The following HTT variants were observed in gnomAD, a reference collection of about 807,000 sequenced individuals.
HTT encodes huntingtin, also known as huntington disease protein.
HTT carries 104 observed loss-of-function variants against 362.3 expected under a neutral mutation model. The observed-to-expected ratio is 0.29, with a 90% CI of 0.24 to 0.34. The LOEUF (loss-of-function observed/expected upper bound fraction) is 0.34. Among genes scored for constraint, HTT ranks in the 10% least tolerant of loss-of-function variants. The pLI is 1.00. For missense variants in HTT, 3,301 were observed against 3,928.6 expected (o/e 0.84, Z 4.27); for synonymous variants, 1,577 against 1,548.7 (o/e 1.02, Z -0.43).
intron 27 of HTT, among the ~76,000 whole-genome samples, chr4:3,156,371 T>C (rs912065846): frequency 4.6e-5 from 7 of 152,190 alleles, no homozygotes; most frequent in Middle Eastern, 3.2e-3. Context: ...CCGCCTGCCT[T>C]GGCCTGCCAA....
At chr4:3,099,202 G>C (rs1578496827) in intron 2 of HTT, 72 bp from the exon 3 acceptor site, 3 of 1,001,000 alleles carry the variant, frequency 3.0e-6, no homozygotes, top group Non-Finnish European at 4.7e-6. Context: ...CAGGACACCG[G>C]ATACCTCATT....
rs1442677472 is a variant in HTT, at chr4:3,238,994, C to G, written c.9215+16C>G. 1 of 1,594,044 alleles carries G rather than the reference C, an allele frequency of 6.3e-7. No individual in the cohort carries two copies. On this transcript the variant is annotated intron_variant, in intron 66 of 66. Coordinates refer to ENST00000355072, the MANE Select transcript of HTT (RefSeq NM_001388492.1). ...TCGCGGCGATGTATCCTCTCTGGGTCCCTGGTGCTGGCCCCGTTTCCCTTG... is the reference window on the plus strand; with the variant it reads ...TCGCGGCGATGTATCCTCTCTGGGTGCCTGGTGCTGGCCCCGTTTCCCTTG...
chr4:3,153,854 G>T (rs1717016611), intron 26 of HTT, among the ~76,000 whole-genome samples: 1 of 152,094 alleles, frequency 6.6e-6, no homozygotes. Flanking sequence ...AGCCCAGGAG[G>T]TTGAGGCTAC....
At chr4:3,225,880 T>C (rs1720888268) in intron 57 of HTT, 137 bp downstream of exon 57, 2 of 639,944 alleles carry the variant, frequency 3.1e-6, no homozygotes, top group South Asian at 2.0e-5. Context: ...AAAAATTTAA[T>C]GTTCATTGTT....
intron 16 of HTT, among the ~76,000 whole-genome samples, chr4:3,132,285 C>T (rs140022274): frequency 1.3e-5 from 2 of 152,216 alleles, no homozygotes; most frequent in African/African-American, 4.8e-5. Context: ...TAAGTGGAAT[C>T]TGGAATTTTA....
intron 6 of HTT, among the ~76,000 whole-genome samples, chr4:3,114,618 C>T (rs1364681575): frequency 1.3e-5 from 2 of 152,206 alleles, no homozygotes; most frequent in Non-Finnish European, 2.9e-5. Context: ...TGGCTCAGAG[C>T]ATAGTTTTGA....
rs565702208 is a variant in HTT, at chr4:3,178,173, A to C, written c.4464-125A>C. On this transcript the variant is annotated intron_variant, in intron 34 of 66. Transcript: ENST00000355072. The stretch of plus-strand genomic sequence containing the variant: ...GGCAGGGGTGGGGTTAGAGTAGATC[A>C]CGGACACCTGTTAGCTTGATGTGTG... 6.8e-6 allele frequency: 5 copies of C among 730,968 alleles called. No homozygotes were observed. In the African/African-American group the frequency reaches 8.9e-5, roughly 13 times the overall value. The allele number at this position is 730,968 out of a possible 1,614,324, so 45.3% of individuals were successfully genotyped here. A position where few individuals can be genotyped will look rare whatever the true frequency, so the allele number is the denominator to read the frequency against.
At position 3,131,304 on chromosome 4, in the gene HTT, G is replaced by A. The variant is rs774720521; in HGVS notation, c.2005G>A (p.Asp669Asn). 1.2e-6 allele frequency: 2 copies of A among 1,613,792 alleles called. No homozygotes were observed. The highest frequency in any genetic ancestry group is 4.5e-5 in the East Asian group (2 of 44,874). Residue 669 changes from aspartate to asparagine, a missense_variant, in exon 15 of 67, where the codon GAC becomes AAC. Physicochemically the swap from Asp to Asn is conservative, Grantham distance 23 (BLOSUM62 1). Transcript: ENST00000355072. ...TTTCTAGCCTTGCCGCATCAAAGGT[G>A]ACATTGGACAGTCCACTGATGATGA... The part of the protein sequence containing the change: ...QENKPCRIKG[D>N]IGQSTDDDSA...
intron 41 of HTT, among the ~76,000 whole-genome samples, chr4:3,200,222 T>G (rs1024618824): frequency 2.0e-5 from 3 of 152,252 alleles, no homozygotes; most frequent in Non-Finnish European, 4.4e-5. Context: ...ATGCTTGTCA[T>G]GCTCTGTGGC....
rs144996044 is a variant in HTT at position 3,240,496 on chromosome 4, G to T, written c.*437G>T. On this transcript the variant is annotated 3_prime_UTR_variant, in exon 67 of 67. Coordinates refer to ENST00000355072, the MANE Select transcript of HTT (RefSeq NM_001388492.1). ...GGGAACACTGGCCTGGGTCTCCCTG[G>T]TGGGGTGTGCATGCCACGCCCCGTG... 2 of 224,332 alleles carry T rather than the reference G, an allele frequency of 8.9e-6. No homozygotes were observed. Among genetic ancestry groups the T allele is most frequent in the African/African-American group, 4.6e-5 (2 of 43,424 alleles). The allele number at this position is 224,332 out of a possible 1,614,324, so 13.9% of individuals were successfully genotyped here.
intron 27 of HTT, among the ~76,000 whole-genome samples, chr4:3,156,096 T>G (rs1234452983): frequency 2.0e-5 from 3 of 152,182 alleles, no homozygotes; most frequent in Non-Finnish European, 2.9e-5. Flanking sequence ...CTCCTGTCTA[T>G]AAATGAAATT....
At chr4:3,128,024 C>T (rs1560559512) in intron 12 of HTT, among the ~76,000 whole-genome samples, 1 of 151,938 alleles carries the variant, frequency 6.6e-6, no homozygotes, top group Non-Finnish European at 1.5e-5. Flanking sequence ...CTTCTGCCTC[C>T]CAGGCTCGAG....
rs1714019839 is a variant in HTT at position 3,099,210 on chromosome 4, A to G, written c.348-64A>G. The G allele has an allele frequency of 1.2e-5, 13 of 1,125,920 alleles. No homozygotes were observed. In the South Asian group the frequency reaches 1.5e-4, roughly 13 times the overall value. 69.7% of individuals were successfully genotyped at this position (1,125,920 alleles called of 1,614,324 possible). A position where few individuals can be genotyped will look rare whatever the true frequency, so the allele number is the denominator to read the frequency against. On this transcript the variant is annotated intron_variant, in intron 2 of 66. Coordinates refer to ENST00000355072, the MANE Select transcript of HTT (RefSeq NM_001388492.1). ...TTCCATGCAGGACACCGGATACCTC[A>G]TTACATTTCATTGTCATGTCACCTT... is the stretch of plus-strand genomic sequence containing the variant.
At chr4:3,236,103 T>G in intron 63 of HTT, 46 bp from the exon 64 acceptor site, 2 of 1,329,366 alleles carry the variant, frequency 1.5e-6, no homozygotes, top group Non-Finnish European at 2.2e-6. Context: ...ACAGAGCCTA[T>G]TGGGTTGTAT....
intron 51 of HTT, among the ~76,000 whole-genome samples, chr4:3,216,782 T>G (rs1270997756): frequency 6.7e-6 from 1 of 150,206 alleles, no homozygotes; most frequent in Non-Finnish European, 1.5e-5. Context: ...TCCCAGCACT[T>G]TGGGAGGCCG....
rs148659037 is a variant in HTT at position 3,186,730 on chromosome 4, C to T, written c.4989+11C>T. The stretch of plus-strand genomic sequence containing the variant: ...ACTCCAAACACAATGGTGAGTCTCT[C>T]GCCTGGCTCAGCAGATGAATCTGGA... On this transcript the variant is annotated intron_variant, in intron 38 of 66. Coordinates refer to ENST00000355072, the MANE Select transcript of HTT (RefSeq NM_001388492.1). 1.4e-3 allele frequency: 2,276 copies of T among 1,611,654 alleles called. 13 individuals are homozygous for T. The highest frequency in any genetic ancestry group is 5.1e-3 in the Middle Eastern group (31 of 6,046).
chr4:3,198,679 G>A (rs1454577105), intron 40 of HTT, among the ~76,000 whole-genome samples: 1 of 152,236 alleles, frequency 6.6e-6, no homozygotes, highest in African/African-American at 2.4e-5. Context: ...GCATGTCTCT[G>A]TGCCTTTGAC....
At chr4:3,091,862 C>G (rs1471219431) in intron 2 of HTT, among the ~76,000 whole-genome samples, 1 of 152,066 alleles carries the variant, frequency 6.6e-6, no homozygotes, top group South Asian at 2.1e-4. Context: ...AAATATAAAG[C>G]TTTAGATTAT....
chr4:3,158,849 C>T (rs1461297645), intron 28 of HTT, among the ~76,000 whole-genome samples: 1 of 152,088 alleles, frequency 6.6e-6, no homozygotes, highest in Non-Finnish European at 1.5e-5. Flanking sequence ...CACCTGTTTT[C>T]AACTCATATC....
Sources: allele counts gnomAD v4.1 joint callset (sites outside exome capture counted in the v4.1 genomes callset), GRCh38; gene constraint gnomAD v4.1.1; transcripts MANE v1.5; gene names NCBI Gene and HGNC (gene_info 2026-07-23, HGNC 2026-07-21).